Variants in DGKB observed in about 807,000 individuals in gnomAD.
DGKB encodes the protein 90 kDa diacylglycerol kinase.
In DGKB, 67 loss-of-function variants were observed where a neutral mutation model predicts 114.3. The ratio of observed to expected loss-of-function variants is 0.59; its 90% CI spans 0.48 to 0.72. DGKB has a LOEUF of 0.72. Ranked by LOEUF, DGKB falls within the 30% of genes least tolerant of loss-of-function variation. The pLI is 0.00. For synonymous variants in DGKB, 398 were observed against 323.1 expected, an observed-to-expected ratio of 1.23 and a Z score of -2.49; for missense variants, 907 against 975.2, an observed-to-expected ratio of 0.93 and a Z score of 0.93.
intron 4 of DGKB, among the ~76,000 whole-genome samples, chr7:14,750,529 A>G (rs898615399): frequency 1.4e-4 from 21 of 152,024 alleles, no homozygotes; most frequent in Admixed American, 1.3e-3. Context: ...GCCCATTGTC[A>G]TCTAGTGTTC....
intron 2 of DGKB, among the ~76,000 whole-genome samples, chr7:14,762,473 A>T (rs1042398292): frequency 6.6e-6 from 1 of 152,164 alleles, no homozygotes; most frequent in Admixed American, 6.6e-5. Flanking sequence ...AACGATTTTC[A>T]AGAAAAATTA....
rs1228228743 is a variant in DGKB, at chr7:14,478,075, T to G, written c.1835+86A>C. ...ACAAAGCCTCATAAAGCCAGTAGAT[T>G]ATAAAATATTCTGTACCATCTAGTG... On this transcript the variant is annotated intron_variant, in intron 21 of 25. Coordinates refer to ENST00000402815, the MANE Select transcript of DGKB (RefSeq NM_001350709.2). The G allele has an allele frequency of 1.2e-5, 10 of 827,430 alleles. 1 individual carries two copies. Among genetic ancestry groups the G allele is most frequent in the Admixed American group, 4.8e-5 (2 of 41,862 alleles). 51.3% of individuals were successfully genotyped at this position (827,430 alleles called of 1,614,324 possible).
chr7:14,702,938 G>C (rs1339269389), intron 6 of DGKB, among the ~76,000 whole-genome samples: 2 of 152,136 alleles, frequency 1.3e-5, no homozygotes, highest in Non-Finnish European at 2.9e-5. Flanking sequence ...TGTTAAAGAT[G>C]TTAAAGTGTA....
At chr7:14,647,036 A>T (rs4721357) in intron 13 of DGKB, among the ~76,000 whole-genome samples, 4,009 of 151,478 alleles carry the variant, frequency 0.026, 81 homozygotes, top group Non-Finnish European at 0.042. Flanking sequence ...ATGAAAAGTT[A>T]GTTTTCTGAA....
intron 20 of DGKB, among the ~76,000 whole-genome samples, chr7:14,564,599 A>C (rs1484763992): frequency 6.6e-6 from 1 of 152,152 alleles, no homozygotes; most frequent in Admixed American, 6.5e-5. Context: ...TTTTAATATT[A>C]AATGGAATTT....
intron 23 of DGKB, among the ~76,000 whole-genome samples, chr7:14,309,510 A>G (rs962641803): frequency 6.6e-6 from 1 of 152,220 alleles, no homozygotes; most frequent in East Asian, 1.9e-4. Context: ...GGTTTATTCC[A>G]TGATCAGAAC....
intron 5 of DGKB, 143 bp from the exon 6 acceptor site, chr7:14,718,828 G>A (rs990793425): frequency 3.7e-5 from 23 of 620,732 alleles, no homozygotes; most frequent in South Asian, 1.5e-4. Context: ...CTGTAAGATC[G>A]GTACAGCAGC....
At chr7:14,826,759 C>A (rs532977472) in intron 2 of DGKB, among the ~76,000 whole-genome samples, 1 of 152,158 alleles carries the variant, frequency 6.6e-6, no homozygotes, top group African/African-American at 2.4e-5. Flanking sequence ...GGTAGAGTTG[C>A]TATGGAGACT....
chr7:14,278,003 A>T (rs1490618136), intron 23 of DGKB, among the ~76,000 whole-genome samples: 1 of 152,186 alleles, frequency 6.6e-6, no homozygotes. Flanking sequence ...CTTAATTTGC[A>T]TTTCCCTAAT....
intron 2 of DGKB, among the ~76,000 whole-genome samples, chr7:14,840,729 CA>C (rs1847813434): frequency 6.1e-5 from 9 of 148,544 alleles, no homozygotes; most frequent in Admixed American, 2.7e-4. Flanking sequence ...CACACACACA[CA>C]CACACACACA....
chr7:14,972,599 C>A (rs1787536814), intron 1 of DGKB, among the ~76,000 whole-genome samples: 1 of 151,088 alleles, frequency 6.6e-6, no homozygotes, highest in Non-Finnish European at 1.5e-5. Flanking sequence ...TCCATTAGAT[C>A]TGAATTCAAT....
chr7:14,853,132 A>G (rs1167488677), intron 1 of DGKB, among the ~76,000 whole-genome samples: 2 of 152,186 alleles, frequency 1.3e-5, no homozygotes, highest in Non-Finnish European at 2.9e-5. Context: ...TTGCCTAAGG[A>G]AAATCACTAT....
At chr7:14,711,924 C>T (rs1479614235) in intron 6 of DGKB, among the ~76,000 whole-genome samples, 1 of 152,082 alleles carries the variant, frequency 6.6e-6, no homozygotes, top group African/African-American at 2.4e-5. Flanking sequence ...TTCCTTATCC[C>T]CAGTAAGTCA....
chr7:14,601,489 A>G (rs1351753945), intron 17 of DGKB, among the ~76,000 whole-genome samples: 2 of 152,130 alleles, frequency 1.3e-5, no homozygotes, highest in Admixed American at 1.3e-4. Flanking sequence ...TTTATCATAA[A>G]CACATTTCTC....
intron 2 of DGKB, among the ~76,000 whole-genome samples, chr7:14,780,456 C>T (rs1002238250): frequency 6.6e-6 from 1 of 152,134 alleles, no homozygotes; most frequent in Admixed American, 6.5e-5. Context: ...ATTTCTTAAC[C>T]AAATAGTGTG....
At chr7:14,585,660 G>A (rs1046114692) in intron 17 of DGKB, among the ~76,000 whole-genome samples, 1 of 152,158 alleles carries the variant, frequency 6.6e-6, no homozygotes, top group Non-Finnish European at 1.5e-5. Flanking sequence ...GAGTTTAGCA[G>A]ATACTGCATT....
chr7:14,365,276 T>G (rs1245512902), intron 21 of DGKB, among the ~76,000 whole-genome samples: 3 of 152,106 alleles, frequency 2.0e-5, no homozygotes, highest in Non-Finnish European at 4.4e-5. Context: ...CAAGTCTTAA[T>G]GCAGTAGAAT....
chr7:14,273,067 T>C (rs1330351053), intron 23 of DGKB, among the ~76,000 whole-genome samples: 1 of 152,094 alleles, frequency 6.6e-6, no homozygotes, highest in African/African-American at 2.4e-5. Context: ...CAGTGGGGTC[T>C]AGCATGGTGA....
intron 12 of DGKB, among the ~76,000 whole-genome samples, chr7:14,677,185 T>C (rs1037441940): frequency 1.1e-4 from 16 of 151,778 alleles, no homozygotes; most frequent in Non-Finnish European, 5.9e-5. Flanking sequence ...TGCCAGCATA[T>C]AGTTCTATGG....
Sources: allele counts gnomAD v4.1 joint callset (sites outside exome capture counted in the v4.1 genomes callset), GRCh38; gene constraint gnomAD v4.1.1; transcripts MANE v1.5; gene names NCBI Gene and HGNC (gene_info 2026-07-23, HGNC 2026-07-21).